The following SEC63 variants were observed in gnomAD, a reference collection of about 807,000 sequenced individuals.
SEC63 encodes the protein translocation protein SEC63 homolog.
Under a neutral mutation model 116.2 loss-of-function variants are expected in SEC63, and 56 were observed. That is an observed-to-expected ratio of 0.48 (90% CI 0.39 to 0.60). The LOEUF is 0.60. Ranked by LOEUF, SEC63 falls within the 20% of genes least tolerant of loss-of-function variation. The pLI is 0.00. For missense variants in SEC63, 668 were observed against 900.0 expected, an observed-to-expected ratio of 0.74 and a Z score of 3.30; for synonymous variants, 273 against 294.6, an observed-to-expected ratio of 0.93 and a Z score of 0.75.
chr6:107,878,590 T>C (rs1447490664), intron 18 of SEC63, among the ~76,000 whole-genome samples: 4 of 152,250 alleles, frequency 2.6e-5, no homozygotes, highest in African/African-American at 9.6e-5. Flanking sequence ...CCATGGTGGC[T>C]CACACCTGTA....
intron 1 of SEC63, among the ~76,000 whole-genome samples, chr6:107,956,362 C>G (rs1422411442): frequency 6.6e-6 from 1 of 152,114 alleles, no homozygotes; most frequent in Non-Finnish European, 1.5e-5. Context: ...TGAAATACAA[C>G]AACCACAAGA....
chr6:107,893,220 G>A (rs1786730514), intron 16 of SEC63, among the ~76,000 whole-genome samples: 1 of 151,540 alleles, frequency 6.6e-6, no homozygotes, highest in Admixed American at 6.6e-5. Context: ...AATGAAAGGA[G>A]CCATACATAA....
chr6:107,887,686 C>A (rs912134849), intron 16 of SEC63, among the ~76,000 whole-genome samples: 30 of 150,592 alleles, frequency 2.0e-4, no homozygotes, highest in African/African-American at 6.8e-4. Context: ...CAGCATGGCA[C>A]ACGTATACAT....
intron 7 of SEC63, among the ~76,000 whole-genome samples, chr6:107,910,652 T>C (rs1342716053): frequency 6.6e-6 from 1 of 152,158 alleles, no homozygotes; most frequent in Non-Finnish European, 1.5e-5. Flanking sequence ...ATGTCATACA[T>C]TTATACACAT....
At chr6:107,907,531 G>A (rs1583746618) in intron 8 of SEC63, among the ~76,000 whole-genome samples, 1 of 152,196 alleles carries the variant, frequency 6.6e-6, no homozygotes, top group Non-Finnish European at 1.5e-5. Context: ...GTGGTGAGCT[G>A]AGATTGTGCC....
chr6:107,951,075 T>C (rs562849888), intron 1 of SEC63, among the ~76,000 whole-genome samples: 145 of 152,296 alleles, frequency 9.5e-4, no homozygotes, highest in South Asian at 1.9e-3. Flanking sequence ...AAATTCCACA[T>C]AAACATTAAG....
chr6:107,876,061 A>T (rs1045213713), intron 19 of SEC63, among the ~76,000 whole-genome samples: 1 of 152,156 alleles, frequency 6.6e-6, no homozygotes, highest in Non-Finnish European at 1.5e-5. Context: ...AAAAACACAC[A>T]CACAAAAAAA....
chr6:107,946,509 T>TA (rs915413709), intron 1 of SEC63, among the ~76,000 whole-genome samples: 1 of 152,070 alleles, frequency 6.6e-6, no homozygotes, highest in Non-Finnish European at 1.5e-5. Flanking sequence ...CCGGCCAACA[T>TA]AATGCAGTTA....
chr6:107,922,773 T>C (rs1225678128), intron 3 of SEC63, among the ~76,000 whole-genome samples: 9 of 152,122 alleles, frequency 5.9e-5, no homozygotes, highest in African/African-American at 2.2e-4. Context: ...AATCACATGA[T>C]ATGTAAACTT....
intron 17 of SEC63, among the ~76,000 whole-genome samples, chr6:107,882,637 T>C (rs1451249327): frequency 2.0e-5 from 3 of 152,228 alleles, no homozygotes; most frequent in East Asian, 3.9e-4. Context: ...GTAAGCACTA[T>C]GCATTTCACA....
At chr6:107,882,138 A>G (rs928460195) in intron 17 of SEC63, among the ~76,000 whole-genome samples, 2 of 152,160 alleles carry the variant, frequency 1.3e-5, no homozygotes, top group African/African-American at 2.4e-5. Context: ...GTTTTCTACC[A>G]TTCCCAAGGA....
chr6:107,941,816 C>T (rs145317647), intron 1 of SEC63, among the ~76,000 whole-genome samples: 7 of 152,298 alleles, frequency 4.6e-5, no homozygotes, highest in South Asian at 2.1e-4. Flanking sequence ...GCAGTGTTGA[C>T]GATACCTGGT....
intron 4 of SEC63, among the ~76,000 whole-genome samples, chr6:107,915,540 G>C (rs1787382074): frequency 1.3e-5 from 2 of 151,834 alleles, no homozygotes; most frequent in Non-Finnish European, 1.5e-5. Context: ...TTTAAAGACA[G>C]GTTTTACATC....
chr6:107,885,016 A>T (rs1450466735), intron 16 of SEC63, among the ~76,000 whole-genome samples: 1 of 152,160 alleles, frequency 6.6e-6, no homozygotes, highest in African/African-American at 2.4e-5. Context: ...ACATTTCCTT[A>T]ACCGGACAAA....
At chr6:107,915,928 G>A (rs1012082053) in intron 4 of SEC63, among the ~76,000 whole-genome samples, 16 of 152,062 alleles carry the variant, frequency 1.1e-4, no homozygotes, top group Admixed American at 9.8e-4. Context: ...CTTACAGAAC[G>A]TCAACTATTT....
At chr6:107,914,068 G>A (rs1445188484) in intron 4 of SEC63, among the ~76,000 whole-genome samples, 1 of 152,160 alleles carries the variant, frequency 6.6e-6, no homozygotes, top group Non-Finnish European at 1.5e-5. Flanking sequence ...GAATGTGAAA[G>A]TTAAAGAGTA....
intron 16 of SEC63, among the ~76,000 whole-genome samples, chr6:107,892,321 C>G (rs1786701743): frequency 6.6e-6 from 1 of 152,174 alleles, no homozygotes. Context: ...AGTGCCATTA[C>G]AATTTACTGA....
chr6:107,873,209 T>C (rs994071215), intron 19 of SEC63, among the ~76,000 whole-genome samples: 1 of 152,198 alleles, frequency 6.6e-6, no homozygotes, highest in Non-Finnish European at 1.5e-5. Context: ...TGCTATCATC[T>C]TGAAGAAATT....
At chr6:107,901,262 TAAC>T in intron 13 of SEC63, 105 bp downstream of exon 13, 3 of 1,128,504 alleles carry the variant, frequency 2.7e-6, no homozygotes, top group Middle Eastern at 5.7e-4. Flanking sequence ...CAAAGTCTAA[TAAC>T]AAGTTATGTT....
Sources: gnomAD v4.1 joint callset for allele counts (sites outside exome capture counted in the v4.1 genomes callset) on GRCh38, gnomAD v4.1.1 for gene constraint, MANE v1.5 for transcripts, NCBI Gene and HGNC (gene_info 2026-07-23, HGNC 2026-07-21) for gene names.